Variants in PLEKHM3 observed in about 807,000 individuals in gnomAD.
The protein encoded by PLEKHM3 is pleckstrin homology domain containing M3.
PLEKHM3 carries 45 observed loss-of-function variants against 81.8 expected under a neutral mutation model. The observed-to-expected ratio is 0.55, with a 90% CI of 0.43 to 0.71. The LOEUF is 0.71. PLEKHM3 is among the 30% of genes least tolerant of loss of function. The probability of loss-of-function intolerance (pLI) is 0.00; values close to 1 mark genes in which losing one functional copy is unlikely to be tolerated. For synonymous variants in PLEKHM3, 352 were observed against 356.4 expected, an observed-to-expected ratio of 0.99 and a Z score of 0.14; for missense variants, 788 against 924.3, an observed-to-expected ratio of 0.85 and a Z score of 1.91.
At chr2:207,839,880 T>C (rs967554558) in intron 7 of PLEKHM3, among the ~76,000 whole-genome samples, 1 of 152,172 alleles carries the variant, frequency 6.6e-6, no homozygotes, top group Admixed American at 6.5e-5. Flanking sequence ...TGAGCCGTGA[T>C]GGTGCCACTA....
At chr2:207,929,919 T>C (rs1456212125) in intron 5 of PLEKHM3, 4 of 700,222 alleles carry the variant, frequency 5.7e-6, no homozygotes, top group Admixed American at 4.0e-5. Context: ...TTAACATGAC[T>C]AATGCATGCT....
intron 1 of PLEKHM3, among the ~76,000 whole-genome samples, chr2:208,008,308 A>G (rs1692566418): frequency 1.3e-5 from 2 of 151,832 alleles, no homozygotes; most frequent in Non-Finnish European, 1.5e-5. Context: ...ATACTTGTAG[A>G]AACTCTGGTA....
chr2:207,869,984 C>G (rs1044749620), intron 6 of PLEKHM3: 4 of 152,278 alleles, frequency 2.6e-5, no homozygotes, highest in African/African-American at 9.6e-5. Context: ...TCTTGCAGAC[C>G]AATCAAAAAT....
At chr2:207,930,852 G>T in intron 5 of PLEKHM3, 74 bp downstream of exon 5, 2 of 1,532,266 alleles carry the variant, frequency 1.3e-6, no homozygotes, top group South Asian at 1.2e-5. Flanking sequence ...AAGGCCCTTT[G>T]GAGATAATCT....
Position 207,885,910 on chromosome 2 carries a change from T to C in PLEKHM3, c.1950+22604A>G, listed in dbSNP as rs139954155. Among the ~76,000 whole-genome samples, 46 of 152,320 alleles carry C rather than the reference T, an allele frequency of 3.0e-4. No individual in the cohort carries two copies. In the East Asian group the frequency reaches 8.1e-3, roughly 27 times the overall value. ...TACACTTTAGAAAGAAAGATTAGCA[T>C]GAGTCCATACACCGTTCCTGAAACA... On this transcript the variant is annotated intron_variant, in intron 6 of 7. Transcript: ENST00000427836.
chr2:207,890,217 T>A (rs1260929974), intron 6 of PLEKHM3, among the ~76,000 whole-genome samples: 1 of 152,192 alleles, frequency 6.6e-6, no homozygotes, highest in African/African-American at 2.4e-5. Flanking sequence ...GTAGTTAACA[T>A]CAAATGAGAA....
chr2:207,968,926 T>G (rs1448563439), intron 3 of PLEKHM3, among the ~76,000 whole-genome samples: 1 of 152,234 alleles, frequency 6.6e-6, no homozygotes, highest in African/African-American at 2.4e-5. Context: ...ATCTGAGTTT[T>G]CCTTCATTGT....
At chr2:207,990,636 A>G (rs1691869809) in intron 2 of PLEKHM3, among the ~76,000 whole-genome samples, 1 of 152,204 alleles carries the variant, frequency 6.6e-6, no homozygotes, top group South Asian at 2.1e-4. Context: ...TCCATAGCAA[A>G]GAACATGAAG....
chr2:207,963,584 G>C (rs1251005585), intron 3 of PLEKHM3, among the ~76,000 whole-genome samples: 1 of 152,136 alleles, frequency 6.6e-6, no homozygotes, highest in Non-Finnish European at 1.5e-5. Context: ...AATAAAGTGA[G>C]GGAGGTAAAG....
intron 5 of PLEKHM3, among the ~76,000 whole-genome samples, chr2:207,908,803 G>A (rs564693867): frequency 4.6e-5 from 7 of 152,268 alleles, no homozygotes; most frequent in Admixed American, 1.3e-4. Context: ...GACTTCTAAT[G>A]TAATCTTAAG....
chr2:207,928,835 C>G (rs1689492176), intron 5 of PLEKHM3, among the ~76,000 whole-genome samples: 1 of 152,248 alleles, frequency 6.6e-6, no homozygotes, highest in African/African-American at 2.4e-5. Flanking sequence ...ATCTCAGAAA[C>G]AGAACCATCT....
intron 2 of PLEKHM3, among the ~76,000 whole-genome samples, chr2:208,000,306 C>T (rs1359906472): frequency 3.9e-5 from 6 of 152,184 alleles, no homozygotes; most frequent in South Asian, 2.1e-4. Context: ...ATAATCCTGA[C>T]GAAGTGTCAT....
At chr2:207,957,867 T>C (rs1690572066) in intron 3 of PLEKHM3, among the ~76,000 whole-genome samples, 1 of 152,208 alleles carries the variant, frequency 6.6e-6, no homozygotes, top group Non-Finnish European at 1.5e-5. Context: ...AGGGAGATTG[T>C]TGTCCCAACA....
chr2:207,950,249 A>G (rs912282746), intron 3 of PLEKHM3, among the ~76,000 whole-genome samples: 3 of 152,196 alleles, frequency 2.0e-5, no homozygotes, highest in African/African-American at 7.2e-5. Context: ...ACCCAGAAGT[A>G]GGTTTGAACC....
chr2:207,822,402 C>T lies in PLEKHM3; in HGVS notation c.*5917G>A, dbSNP rs2092223399. On this transcript the variant is annotated 3_prime_UTR_variant, in exon 8 of 8. Coordinates refer to ENST00000427836, the MANE Select transcript of PLEKHM3 (RefSeq NM_001080475.3). The stretch of plus-strand genomic sequence containing the variant: ...ACTTTACAGATTCAATTATGGATGG[C>T]TGGTTTTTATTTCTCTACCCATTGG... 6.6e-6 allele frequency: 1 copy of T among 152,640 alleles called. No homozygotes were observed. Among genetic ancestry groups the T allele is most frequent in the African/African-American group, 2.4e-5 (1 of 41,454 alleles). 9.5% of individuals were successfully genotyped at this position (152,640 alleles called of 1,614,324 possible).
intron 6 of PLEKHM3, among the ~76,000 whole-genome samples, chr2:207,863,681 G>A (rs1203643327): frequency 2.0e-5 from 3 of 152,090 alleles, no homozygotes; most frequent in Non-Finnish European, 2.9e-5. Flanking sequence ...CCACCGACCC[G>A]GTCTTTATGT....
intron 4 of PLEKHM3, among the ~76,000 whole-genome samples, chr2:207,935,392 C>T (rs1689718115): frequency 6.6e-6 from 1 of 152,142 alleles, no homozygotes; most frequent in Non-Finnish European, 1.5e-5. Context: ...CAGCCCGGAC[C>T]CCCACTCACC....
chr2:207,984,110 G>C (rs1008757357), intron 2 of PLEKHM3, among the ~76,000 whole-genome samples: 3 of 152,146 alleles, frequency 2.0e-5, no homozygotes, highest in Non-Finnish European at 2.9e-5. Flanking sequence ...TGAATGCCAG[G>C]TACTCATTGT....
intron 1 of PLEKHM3, among the ~76,000 whole-genome samples, chr2:208,014,944 C>T (rs750062095): frequency 6.6e-6 from 1 of 152,148 alleles, no homozygotes; most frequent in Non-Finnish European, 1.5e-5. Context: ...AGGACACCTT[C>T]AATGTGGATG....
Sources: gnomAD v4.1 joint callset for allele counts (sites outside exome capture counted in the v4.1 genomes callset) on GRCh38, gnomAD v4.1.1 for gene constraint, MANE v1.5 for transcripts, NCBI Gene and HGNC (gene_info 2026-07-23, HGNC 2026-07-21) for gene names.